The following ADAM22 variants were observed in gnomAD, a reference collection of about 807,000 sequenced individuals.
ADAM22 encodes the protein disintegrin and metalloproteinase domain-containing protein 22.
Under a neutral mutation model 144.6 loss-of-function variants are expected in ADAM22, and 65 were observed. That is an observed-to-expected ratio of 0.45 (90% confidence interval 0.37 to 0.55). The LOEUF is 0.55. Ranked by LOEUF, ADAM22 falls within the 20% of genes least tolerant of loss-of-function variation. ADAM22 has a pLI of 0.00. For missense variants in ADAM22, 974 were observed against 1,184.9 expected (o/e 0.82, Z 2.61); for synonymous variants, 391 against 412.6 (o/e 0.95, Z 0.63).
At chr7:88,074,749 G>C (rs914745938) in intron 3 of ADAM22, among the ~76,000 whole-genome samples, 1 of 152,070 alleles carries the variant, frequency 6.6e-6, no homozygotes, top group South Asian at 2.1e-4. Flanking sequence ...TTGTTTGATC[G>C]TTCTGTTTAC....
chr7:88,079,850 G>A (rs1296069414), intron 4 of ADAM22, among the ~76,000 whole-genome samples: 1 of 152,152 alleles, frequency 6.6e-6, no homozygotes, highest in Non-Finnish European at 1.5e-5. Flanking sequence ...CATAAAGCAA[G>A]TCCTGAGTGA....
chr7:88,081,138 C>T (rs1179570132), intron 4 of ADAM22, among the ~76,000 whole-genome samples: 1 of 152,058 alleles, frequency 6.6e-6, no homozygotes, highest in Non-Finnish European at 1.5e-5. Context: ...AAAACTTATC[C>T]ACCGTGATCA....
At chr7:88,023,963 C>T (rs1715376056) in intron 3 of ADAM22, among the ~76,000 whole-genome samples, 1 of 152,088 alleles carries the variant, frequency 6.6e-6, no homozygotes, top group Admixed American at 6.5e-5. Flanking sequence ...CTGTGTCTGG[C>T]TTATTTCTCT....
chr7:87,934,839 T>C, intron 1 of ADAM22, 187 bp from the exon 2 acceptor site: 1 of 796,944 alleles, frequency 1.3e-6, no homozygotes, highest in Non-Finnish European at 2.0e-6. Flanking sequence ...CTGGTTGCTC[T>C]CGGATGAGCT....
At chr7:88,089,690 T>G (rs188458555) in intron 4 of ADAM22, among the ~76,000 whole-genome samples, 9 of 152,334 alleles carry the variant, frequency 5.9e-5, no homozygotes, top group Non-Finnish European at 1.0e-4. Context: ...AGTAATTAAG[T>G]CACATGATTT....
chr7:88,163,864 G>A (rs993178792), intron 23 of ADAM22, among the ~76,000 whole-genome samples: 2 of 152,022 alleles, frequency 1.3e-5, no homozygotes, highest in Non-Finnish European at 2.9e-5. Flanking sequence ...TCAAAAAAGA[G>A]TTTGTTCTAT....
At chr7:87,940,169 A>G (rs1336851503) in intron 2 of ADAM22, among the ~76,000 whole-genome samples, 1 of 145,030 alleles carries the variant, frequency 6.9e-6, no homozygotes, top group Non-Finnish European at 1.5e-5. Flanking sequence ...GCGACAGAGC[A>G]AGTCTTTATC....
intron 26 of ADAM22, among the ~76,000 whole-genome samples, chr7:88,177,163 A>G (rs1296612886): frequency 6.6e-6 from 1 of 152,198 alleles, no homozygotes; most frequent in African/African-American, 2.4e-5. Flanking sequence ...TTAACCATAG[A>G]TATTATTATT....
chr7:88,017,783 G>A (rs777386172), intron 3 of ADAM22, among the ~76,000 whole-genome samples: 1 of 150,024 alleles, frequency 6.7e-6, no homozygotes, highest in African/African-American at 2.5e-5. Context: ...ATGTGTGTGT[G>A]TATATATATA....
At chr7:88,065,813 C>T (rs1005511305) in intron 3 of ADAM22, among the ~76,000 whole-genome samples, 6 of 151,928 alleles carry the variant, frequency 3.9e-5, no homozygotes, top group African/African-American at 1.5e-4. Context: ...AAAATTATTC[C>T]TTAAATTCTT....
In ADAM22 at chr7:88,170,731, G is replaced by T. The variant is rs563037218; in HGVS notation, c.2283-813G>T. 5.3e-5 allele frequency among the ~76,000 whole-genome samples: 8 copies of T among 152,094 alleles called. 1 individual carries two copies. The South Asian group carries it at 1.4e-3, about 28-fold the overall frequency. On this transcript the variant is annotated intron_variant, in intron 25 of 31. Coordinates refer to ENST00000413139, the MANE Select transcript of ADAM22 (RefSeq NM_001324418.2). ...AACATTATCCTTGATCTTAGAGGAA[G>T]CAGCCCAAAACTACTCACTTGCATG...
intron 3 of ADAM22, among the ~76,000 whole-genome samples, chr7:88,042,713 C>T (rs1429565658): frequency 6.6e-6 from 1 of 151,644 alleles, no homozygotes; most frequent in Non-Finnish European, 1.5e-5. Context: ...TCAAGTCTTT[C>T]CTGAACTTGT....
chr7:88,000,454 G>C (rs969183528), intron 3 of ADAM22, among the ~76,000 whole-genome samples: 1 of 151,362 alleles, frequency 6.6e-6, no homozygotes, highest in African/African-American at 2.4e-5. Context: ...TTGTCCTAGT[G>C]GATTAAAAAA....
chr7:87,995,744 A>G (rs986548746), intron 3 of ADAM22, among the ~76,000 whole-genome samples: 3 of 152,224 alleles, frequency 2.0e-5, no homozygotes, highest in Non-Finnish European at 4.4e-5. Flanking sequence ...CACCTGCTAT[A>G]GTTTTTTCTC....
chr7:88,061,526 T>C (rs1440278389), intron 3 of ADAM22, among the ~76,000 whole-genome samples: 1 of 152,220 alleles, frequency 6.6e-6, no homozygotes, highest in Non-Finnish European at 1.5e-5. Context: ...ACATTAATCT[T>C]GTACATCTCC....
chr7:88,182,195 T>C (rs150538169), intron 29 of ADAM22, 171 bp downstream of exon 29: 2 of 594,948 alleles, frequency 3.4e-6, no homozygotes, highest in African/African-American at 1.9e-5. Flanking sequence ...CTCTCTTACA[T>C]AGGCATCTCC....
At chr7:87,952,677 C>T (rs1255098669) in intron 2 of ADAM22, among the ~76,000 whole-genome samples, 2 of 151,926 alleles carry the variant, frequency 1.3e-5, no homozygotes, top group African/African-American at 2.4e-5. Context: ...AGGGAGGATT[C>T]CCTCTTTTTC....
chr7:88,017,152 A>T (rs1045355910), intron 3 of ADAM22, among the ~76,000 whole-genome samples: 4 of 152,154 alleles, frequency 2.6e-5, no homozygotes, highest in African/African-American at 9.7e-5. Context: ...AATTAAAAAT[A>T]AAAAAATACA....
chr7:88,113,825 G>C (rs981453386), intron 5 of ADAM22, among the ~76,000 whole-genome samples: 2 of 147,490 alleles, frequency 1.4e-5, no homozygotes, highest in African/African-American at 5.0e-5. Flanking sequence ...ACCTAGAACA[G>C]TGCATTGTAG....
Sources: allele counts gnomAD v4.1 joint callset (sites outside exome capture counted in the v4.1 genomes callset), GRCh38; gene constraint gnomAD v4.1.1; transcripts MANE v1.5; gene names NCBI Gene and HGNC (gene_info 2026-07-23, HGNC 2026-07-21).